The following NKAIN2 variants were observed in gnomAD, a reference collection of about 807,000 sequenced individuals.
NKAIN2 encodes sodium/potassium transporting ATPase interacting 2, also known as sodium/potassium-transporting ATPase subunit beta-1-interacting protein 2.
NKAIN2 carries 14 observed loss-of-function variants against 32.6 expected under a neutral mutation model. The observed-to-expected ratio is 0.43, with a 90% CI of 0.28 to 0.67. The LOEUF (loss-of-function observed/expected upper bound fraction) is 0.67. Ranked by LOEUF, NKAIN2 falls within the 30% of genes least tolerant of loss-of-function variation. NKAIN2 has a pLI of 0.17. For missense variants in NKAIN2, 198 were observed against 258.3 expected (o/e 0.77, Z 1.60); for synonymous variants, 80 against 87.2 (o/e 0.92, Z 0.46).
intron 3 of NKAIN2, among the ~76,000 whole-genome samples, chr6:124,539,708 T>TA (rs1779841209): frequency 1.3e-5 from 2 of 152,268 alleles, no homozygotes; most frequent in South Asian, 4.1e-4. Context: ...TAAATATATA[T>TA]TTTTTGTTTG....
intron 1 of NKAIN2, among the ~76,000 whole-genome samples, chr6:123,985,339 G>T (rs773999280): frequency 2.6e-5 from 4 of 152,172 alleles, no homozygotes; most frequent in Admixed American, 6.5e-5. Flanking sequence ...GGCAGAGGTT[G>T]CAGTGAGCCA....
chr6:124,344,650 T>C (rs1327843844), intron 2 of NKAIN2, among the ~76,000 whole-genome samples: 1 of 152,128 alleles, frequency 6.6e-6, no homozygotes, highest in Non-Finnish European at 1.5e-5. Context: ...TATTGGTGTA[T>C]AAGAATGCTT....
intron 3 of NKAIN2, among the ~76,000 whole-genome samples, chr6:124,647,134 C>T (rs1344145867): frequency 6.6e-6 from 1 of 151,528 alleles, no homozygotes; most frequent in Non-Finnish European, 1.5e-5. Context: ...AAAAAAAAGT[C>T]ACGTGAACAC....
chr6:123,883,215 G>A (rs1276104433), intron 1 of NKAIN2, among the ~76,000 whole-genome samples: 1 of 152,052 alleles, frequency 6.6e-6, no homozygotes, highest in African/African-American at 2.4e-5. Flanking sequence ...CGTGAACTCG[G>A]CTCACTGCAA....
chr6:124,474,550 C>T (rs1777107546), intron 3 of NKAIN2, among the ~76,000 whole-genome samples: 1 of 152,006 alleles, frequency 6.6e-6, no homozygotes, highest in African/African-American at 2.4e-5. Flanking sequence ...CAAGCACACA[C>T]CCTTTACATA....
intron 3 of NKAIN2, among the ~76,000 whole-genome samples, chr6:124,631,128 T>A (rs1423150186): frequency 5.9e-5 from 9 of 152,188 alleles, no homozygotes; most frequent in African/African-American, 2.2e-4. Flanking sequence ...TGAAAAATTA[T>A]TAAAATTGCT....
intron 3 of NKAIN2, among the ~76,000 whole-genome samples, chr6:124,446,284 G>A (rs1263639941): frequency 6.6e-6 from 1 of 152,056 alleles, no homozygotes; most frequent in African/African-American, 2.4e-5. Context: ...TTTGAAATGG[G>A]TAAAGCTCAA....
intron 1 of NKAIN2, among the ~76,000 whole-genome samples, chr6:123,949,760 T>TA (rs1777238034): frequency 6.6e-6 from 1 of 152,060 alleles, no homozygotes; most frequent in Non-Finnish European, 1.5e-5. Flanking sequence ...ACAAATTGAC[T>TA]TATTCTTCTT....
intron 5 of NKAIN2, among the ~76,000 whole-genome samples, chr6:124,796,569 G>A (rs1780007721): frequency 6.6e-6 from 1 of 152,068 alleles, no homozygotes; most frequent in Non-Finnish European, 1.5e-5. Flanking sequence ...CTTCAGGGCT[G>A]TATTGCTGCC....
intron 5 of NKAIN2, among the ~76,000 whole-genome samples, chr6:124,806,623 A>C (rs888562411): frequency 2.0e-5 from 3 of 152,174 alleles, no homozygotes; most frequent in Non-Finnish European, 2.9e-5. Context: ...GACAGGTTCA[A>C]ATTCACACAT....
intron 1 of NKAIN2, among the ~76,000 whole-genome samples, chr6:123,885,598 A>G (rs1158267919): frequency 6.6e-6 from 1 of 152,096 alleles, no homozygotes; most frequent in Non-Finnish European, 1.5e-5. Context: ...TTTTAAGAGC[A>G]GTTAGGAATT....
At chr6:124,158,818 C>G (rs1029312319) in intron 1 of NKAIN2, among the ~76,000 whole-genome samples, 4 of 151,906 alleles carry the variant, frequency 2.6e-5, no homozygotes, top group African/African-American at 9.7e-5. Context: ...TAGATCTAGC[C>G]CATCAGATAC....
chr6:124,355,833 G>T lies in NKAIN2; in HGVS notation c.273+486G>T, dbSNP rs144321192. Among the ~76,000 whole-genome samples, 1,414 of 152,214 alleles carry T rather than the reference G, an allele frequency of 9.3e-3. 12 individuals carry two copies. The highest frequency in any genetic ancestry group is 0.015 in the Non-Finnish European group (1,004 of 68,014). ...TACAATCAACCCTTTATTCTAAATA[G>T]GCTAGGAAAACTAAATACTTGCTTT... On this transcript the variant is annotated intron_variant, in intron 3 of 6. Coordinates refer to ENST00000368417, the MANE Select transcript of NKAIN2 (RefSeq NM_001040214.3).
intron 1 of NKAIN2, among the ~76,000 whole-genome samples, chr6:124,109,893 G>T (rs775776686): frequency 2.9e-4 from 44 of 151,918 alleles, no homozygotes; most frequent in Non-Finnish European, 5.9e-4. Context: ...TTGATTTGCT[G>T]TATCACGTTA....
intron 2 of NKAIN2, among the ~76,000 whole-genome samples, chr6:124,321,617 T>G (rs960884704): frequency 1.3e-5 from 2 of 152,180 alleles, no homozygotes; most frequent in Admixed American, 1.3e-4. Context: ...TTGGCAGCTG[T>G]TATTTATGCT....
At chr6:124,746,327 A>T (rs1053744538) in intron 4 of NKAIN2, among the ~76,000 whole-genome samples, 17 of 151,960 alleles carry the variant, frequency 1.1e-4, no homozygotes, top group African/African-American at 4.1e-4. Flanking sequence ...ATCACTGAGA[A>T]TAATATTATC....
At chr6:123,906,511 T>C (rs2114436169) in intron 1 of NKAIN2, among the ~76,000 whole-genome samples, 1 of 152,280 alleles carries the variant, frequency 6.6e-6, no homozygotes, top group African/African-American at 2.4e-5. Context: ...CAGGCTGGTC[T>C]TGAATTCCTT....
chr6:124,461,382 G>T (rs1776525494), intron 3 of NKAIN2, among the ~76,000 whole-genome samples: 1 of 151,620 alleles, frequency 6.6e-6, no homozygotes, highest in East Asian at 1.9e-4. Flanking sequence ...AGATTATGCA[G>T]CCCATTTATT....
chr6:124,703,316 T>C (rs1211050356), intron 4 of NKAIN2, among the ~76,000 whole-genome samples: 2 of 152,022 alleles, frequency 1.3e-5, no homozygotes, highest in South Asian at 2.1e-4. Context: ...TGAGAAATTT[T>C]CTTCCAGACC....
Sources: allele counts gnomAD v4.1 joint callset (sites outside exome capture counted in the v4.1 genomes callset), GRCh38; gene constraint gnomAD v4.1.1; transcripts MANE v1.5; gene names NCBI Gene and HGNC (gene_info 2026-07-23, HGNC 2026-07-21).